The following TBCD variants were observed in gnomAD, a reference collection of about 807,000 sequenced individuals.
TBCD encodes the protein tubulin-specific chaperone D.
TBCD carries 105 observed loss-of-function variants against 169.3 expected under a neutral mutation model. The observed-to-expected ratio is 0.62, with a 90% CI of 0.53 to 0.73. TBCD has a LOEUF of 0.73. TBCD is among the 30% of genes least tolerant of loss of function. The pLI, the probability that TBCD is intolerant of heterozygous loss-of-function variation, is 0.00. For missense variants in TBCD, 1,444 were observed against 1,600.1 expected, an observed-to-expected ratio of 0.90 and a Z score of 1.66; for synonymous variants, 700 against 643.9, an observed-to-expected ratio of 1.09 and a Z score of -1.32.
intron 13 of TBCD, chr17:82,865,569 C>T (rs1245979563): frequency 1.6e-5 from 16 of 984,574 alleles, no homozygotes; most frequent in Admixed American, 6.1e-5. Context: ...GCACAGCCCT[C>T]ACCGCCCAGT....
chr17:82,917,003 CT>C (rs1185300575), intron 23 of TBCD, among the ~76,000 whole-genome samples: 123 of 128,656 alleles, frequency 9.6e-4, no homozygotes, highest in South Asian at 1.8e-3. Context: ...TCAGTTTGGA[CT>C]TTTTTTTTTC....
chr17:82,830,598 T>C, intron 13 of TBCD: 1 of 1,614,054 alleles, frequency 6.2e-7, no homozygotes. Context: ...CTGCAGCTCG[T>C]GGTCGACCGG....
At chr17:82,771,585 A>G (rs980173514) in intron 5 of TBCD, among the ~76,000 whole-genome samples, 1 of 152,116 alleles carries the variant, frequency 6.6e-6, no homozygotes, top group African/African-American at 2.4e-5. Flanking sequence ...TGCCTGGCCA[A>G]TTTTTGTGTC....
chr17:82,945,580 AAAAT>A lies in TBCD; in HGVS notation c.*3118_*3121del, dbSNP rs565423619. The A allele has an allele frequency of 2.0e-5, 3 of 152,336 alleles. No individual in the cohort carries two copies. The South Asian group carries it at 6.2e-4, about 32-fold the overall frequency. The allele number at this position is 152,336 out of a possible 1,614,324, so 9.4% of individuals were successfully genotyped here. A position where few individuals can be genotyped will look rare whatever the true frequency, so the allele number is the denominator to read the frequency against. On this transcript the variant is annotated 3_prime_UTR_variant, in exon 39 of 39. Coordinates refer to ENST00000355528, the MANE Select transcript of TBCD (RefSeq NM_005993.5). Reference sequence around the variant, plus strand: ...ACAGCATAACATTAAAGAAGAGAACAAAATTAAGTCATTTAGATAAAAATATGCC... The same window carrying A: ...ACAGCATAACATTAAAGAAGAGAACATAAGTCATTTAGATAAAAATATGCC...
intron 27 of TBCD, among the ~76,000 whole-genome samples, 166 bp downstream of exon 27, chr17:82,925,223 C>T (rs530491368): frequency 2.0e-5 from 3 of 152,320 alleles, no homozygotes; most frequent in African/African-American, 7.2e-5. Flanking sequence ...GGGCAGAGGG[C>T]ACCCAAGGTC....
rs928462228 is a variant in TBCD at position 82,880,997 on chromosome 17, T to C, written c.1476-3148T>C. 6.6e-6 allele frequency among the ~76,000 whole-genome samples: 1 copy of C among 152,190 alleles called. No individual in the cohort carries two copies. The highest frequency in any genetic ancestry group is 2.4e-5 in the African/African-American group (1 of 41,448). On this transcript the variant is annotated intron_variant, in intron 14 of 38. Transcript: ENST00000355528. This position sits in a 1 kb window ranked among gnomAD's most constrained non-coding sequence, Gnocchi z 5.0. ...GGCTGTGGCCACACAGGGCAGGGCC[T>C]CAGGGCAGGGAGGCCAGTGCTTTTG...
At chr17:82,803,882 G>A (rs1486273048) in intron 9 of TBCD, among the ~76,000 whole-genome samples, 1 of 149,946 alleles carries the variant, frequency 6.7e-6, no homozygotes, top group Non-Finnish European at 1.5e-5. Flanking sequence ...GAGACTGGGG[G>A]CTGGGGTGTG....
chr17:82,895,631 C>T (rs963518116), intron 17 of TBCD, among the ~76,000 whole-genome samples: 3 of 152,166 alleles, frequency 2.0e-5, no homozygotes, highest in South Asian at 2.1e-4. Context: ...GAGGTGTGCC[C>T]GCTGGAGGAA....
intron 14 of TBCD, among the ~76,000 whole-genome samples, chr17:82,877,137 C>T (rs570076788): frequency 7.5e-4 from 114 of 152,282 alleles, no homozygotes; most frequent in African/African-American, 2.6e-3. Context: ...CTGGAGCCGG[C>T]GGCAATAAAG....
chr17:82,932,201 A>G, intron 33 of TBCD: 1 of 239,170 alleles, frequency 4.2e-6, no homozygotes, highest in Non-Finnish European at 8.2e-6. Context: ...GTCCTAGAAG[A>G]TTTATAGTTT....
chr17:82,898,368 G>A (rs958859484), intron 17 of TBCD, among the ~76,000 whole-genome samples: 1 of 150,104 alleles, frequency 6.7e-6, no homozygotes, highest in African/African-American at 2.5e-5. Flanking sequence ...CACACGGCAC[G>A]GCTCTGGGTT....
intron 17 of TBCD, 77 bp from the exon 18 acceptor site, chr17:82,900,574 T>G (rs2059819387): frequency 8.9e-6 from 10 of 1,129,244 alleles, no homozygotes; most frequent in Non-Finnish European, 1.3e-5. Flanking sequence ...TGAAAGTAAC[T>G]GTGCTGAATT....
At chr17:82,820,859 C>G (rs561894977) in intron 13 of TBCD, among the ~76,000 whole-genome samples, 1 of 148,474 alleles carries the variant, frequency 6.7e-6, no homozygotes, top group East Asian at 2.0e-4. Flanking sequence ...TGTTAATATA[C>G]ATGTTGGTAA....
At chr17:82,899,466 T>TATTTAACTTTATGAGAAACTG in intron 17 of TBCD, among the ~76,000 whole-genome samples, 1 of 152,156 alleles carries the variant, frequency 6.6e-6, no homozygotes, top group Admixed American at 6.5e-5. Flanking sequence ...AGCGTGTGTG[T>TATTTAACTTTATGAGAAACTG]CCGCAGCGCG....
Position 82,905,822 on chromosome 17 carries a change from C to T in TBCD, c.1805-114C>T, listed in dbSNP as rs535475289. 24 of 715,868 alleles carry T rather than the reference C, an allele frequency of 3.4e-5. No homozygotes were observed. In the East Asian group the frequency reaches 6.1e-4, roughly 18 times the overall value. 44.3% of individuals were successfully genotyped at this position (715,868 alleles called of 1,614,324 possible). On this transcript the variant is annotated intron_variant, in intron 19 of 38. Coordinates refer to ENST00000355528, the MANE Select transcript of TBCD (RefSeq NM_005993.5). ...GCGTGTGGGCTTCCCACAGGCCGTC[C>T]GTGTGTGCACGCCGTCGCCTGCCCT... is the stretch of plus-strand genomic sequence containing the variant.
At chr17:82,836,072 T>A (rs1447777478) in intron 13 of TBCD, among the ~76,000 whole-genome samples, 1 of 151,844 alleles carries the variant, frequency 6.6e-6, no homozygotes, top group Non-Finnish European at 1.5e-5. Flanking sequence ...GATAGCTCTG[T>A]CTTTCTAATT....
chr17:82,938,880 TAATA>T (rs2062867241), intron 36 of TBCD, among the ~76,000 whole-genome samples: 1 of 128,686 alleles, frequency 7.8e-6, no homozygotes, highest in Non-Finnish European at 1.8e-5. Flanking sequence ...GCAGGTTGGT[TAATA>T]GATAGCGGGC....
rs529999741 is a variant in TBCD at position 82,900,163 on chromosome 17, C to A, written c.1650-488C>A. 3.3e-5 allele frequency among the ~76,000 whole-genome samples: 5 copies of A among 152,322 alleles called. No homozygotes were observed. The East Asian group carries it at 7.7e-4, about 23-fold the overall frequency. On this transcript the variant is annotated intron_variant, in intron 17 of 38. Transcript: ENST00000355528. ...CTGAGCACAGCCATCACCCTGGAGC[C>A]CCCCCATGTCTGCTCCTTGTAATTC...
intron 26 of TBCD, 34 bp from the exon 27 acceptor site, chr17:82,924,905 A>G: frequency 3.3e-6 from 5 of 1,520,930 alleles, no homozygotes; most frequent in Non-Finnish European, 4.5e-6. Context: ...TGGGCAGCAG[A>G]GGGCCTCTCT....
Sources: allele counts gnomAD v4.1 joint callset (sites outside exome capture counted in the v4.1 genomes callset), GRCh38; gene constraint gnomAD v4.1.1; non-coding constraint Gnocchi (gnomAD v3.1); transcripts MANE v1.5; gene names NCBI Gene and HGNC (gene_info 2026-07-23, HGNC 2026-07-21).